Variants in PARM1 observed in about 807,000 individuals in gnomAD.
PARM1 encodes the protein prostate androgen-regulated mucin-like protein 1, also known as WSC4, cell wall integrity and stress response component 4 homolog.
In PARM1, 14 loss-of-function variants were observed where a neutral mutation model predicts 24.6. The observed-to-expected ratio is 0.57, with a 90% CI of 0.38 to 0.89. The LOEUF (loss-of-function observed/expected upper bound fraction) is 0.89. PARM1 is among the 40% of genes least tolerant of loss of function. PARM1 has a pLI of 0.00. For missense variants in PARM1, 362 were observed against 380.4 expected, an observed-to-expected ratio of 0.95 and a Z score of 0.40; for synonymous variants, 179 against 156.6, an observed-to-expected ratio of 1.14 and a Z score of -1.07.
chr4:74,991,643 A>G (rs1384622153), intron 1 of PARM1, among the ~76,000 whole-genome samples: 1 of 152,182 alleles, frequency 6.6e-6, no homozygotes, highest in Non-Finnish European at 1.5e-5. Context: ...ACAGTAATTC[A>G]AGACTGGAAA....
intron 2 of PARM1, among the ~76,000 whole-genome samples, chr4:75,022,821 C>T (rs888704617): frequency 1.3e-4 from 20 of 152,124 alleles, no homozygotes; most frequent in African/African-American, 4.8e-4. Flanking sequence ...TGGATCAACA[C>T]CCTCCCATCA....
At chr4:75,032,901 C>T (rs934873139) in intron 2 of PARM1, among the ~76,000 whole-genome samples, 1 of 152,106 alleles carries the variant, frequency 6.6e-6, no homozygotes, top group African/African-American at 2.4e-5. Flanking sequence ...GCTTTAGTGC[C>T]GAAAACTCAC....
chr4:75,013,771 T>G (rs1722926981), intron 2 of PARM1, among the ~76,000 whole-genome samples: 5 of 152,224 alleles, frequency 3.3e-5, no homozygotes, highest in African/African-American at 2.4e-5. Context: ...GACAATAAAT[T>G]TTACAAGATG....
intron 3 of PARM1, among the ~76,000 whole-genome samples, chr4:75,035,772 G>C (rs999173995): frequency 6.6e-6 from 1 of 152,080 alleles, no homozygotes; most frequent in African/African-American, 2.4e-5. Context: ...GTTTTGAAGA[G>C]AAATTGGAAT....
chr4:75,029,395 T>C (rs1374789415), intron 2 of PARM1, among the ~76,000 whole-genome samples: 1 of 152,042 alleles, frequency 6.6e-6, no homozygotes, highest in African/African-American at 2.4e-5. Context: ...TCCCCATGTG[T>C]CATGGGAGGG....
rs551476189 is a variant in PARM1, at chr4:74,933,358, A to C, written c.31A>C (p.Ile11Leu). ...CTACAAGACTCTCTTCGCTCTTTGC[A>C]TCTTAACTGCAGGTAATTGGCGCCA... MVYKTLFALC[I>L]LTAGWRVQSL... The change falls in exon 1 of 4, where the codon ATC becomes CTC. Residue 11 changes from isoleucine to leucine, a missense_variant. Ile to Leu is a conservative substitution (Grantham distance 5). Coordinates refer to ENST00000307428, the MANE Select transcript of PARM1 (RefSeq NM_015393.4). 10 of 1,612,754 alleles carry C rather than the reference A, an allele frequency of 6.2e-6. No individual in the cohort carries two copies. The highest frequency in any genetic ancestry group is 1.1e-5 in the South Asian group (1 of 90,884).
Position 75,012,698 on chromosome 4 carries a change from CT to C in PARM1, c.319del (p.Ser107LeufsTer12). 1.2e-6 allele frequency: 2 copies of C among 1,613,988 alleles called. No individual in the cohort carries two copies. The highest frequency in any genetic ancestry group is 1.7e-6 in the Non-Finnish European group (2 of 1,179,880). ...GAAGGCACAAACACAGACCCCTCAC[CT>C]TCTGGGTTCTCGTCAACAAGCGGTG... ...NWEGTNTDPS[P>X]SGFSSTSGGV... is the part of the protein sequence containing the mutation. On this transcript the variant is annotated frameshift_variant, in exon 2 of 4. Coordinates refer to ENST00000307428, the MANE Select transcript of PARM1 (RefSeq NM_015393.4). LOFTEE classifies it high-confidence loss of function.
intron 2 of PARM1, among the ~76,000 whole-genome samples, chr4:75,030,375 G>T (rs1723252085): frequency 6.6e-6 from 1 of 152,176 alleles, no homozygotes; most frequent in Non-Finnish European, 1.5e-5. Context: ...TAAATAAGAT[G>T]ATAGCTGTAC....
chr4:74,939,587 C>G (rs189819444), intron 1 of PARM1, among the ~76,000 whole-genome samples: 1 of 152,030 alleles, frequency 6.6e-6, no homozygotes, highest in African/African-American at 2.4e-5. Flanking sequence ...GTGCCGGGAT[C>G]TTGAGAAATC....
At chr4:75,032,877 A>T (rs529471566) in intron 2 of PARM1, among the ~76,000 whole-genome samples, 1 of 152,326 alleles carries the variant, frequency 6.6e-6, no homozygotes, top group Admixed American at 6.5e-5. Flanking sequence ...GAGTAAATGG[A>T]GTCCCTAACA....
rs189048170 is a variant in PARM1, at chr4:74,958,784, C to T, written c.43+25414C>T. On this transcript the variant is annotated intron_variant, in intron 1 of 3. Transcript: ENST00000307428. ...AAATGGGCCTAATAACAGTTCCTAT[C>T]TCTGAGAGTTATGAGGATTAAGTCA... Among the ~76,000 whole-genome samples, 133 of 152,318 alleles carry T rather than the reference C, an allele frequency of 8.7e-4. 1 individual carries two copies. In the Middle Eastern group the frequency reaches 0.027, roughly 31 times the overall value.
At chr4:74,971,610 A>G (rs1048645981) in intron 1 of PARM1, among the ~76,000 whole-genome samples, 5 of 152,210 alleles carry the variant, frequency 3.3e-5, no homozygotes, top group African/African-American at 9.6e-5. Context: ...TTGATGAAAT[A>G]CAGTCATGTT....
chr4:75,013,790 G>GTAAAA (rs1213527382), intron 2 of PARM1, among the ~76,000 whole-genome samples: 1 of 152,142 alleles, frequency 6.6e-6, no homozygotes, highest in Non-Finnish European at 1.5e-5. Flanking sequence ...TGTCACATCT[G>GTAAAA]TTTTTATTTT....
chr4:75,031,011 A>C (rs1186687194), intron 2 of PARM1, among the ~76,000 whole-genome samples: 1 of 152,220 alleles, frequency 6.6e-6, no homozygotes, highest in Non-Finnish European at 1.5e-5. Flanking sequence ...AGTTGCGCTA[A>C]CATGGGCTCA....
At chr4:75,024,671 G>A (rs555859948) in intron 2 of PARM1, among the ~76,000 whole-genome samples, 1 of 152,058 alleles carries the variant, frequency 6.6e-6, no homozygotes, top group Admixed American at 6.6e-5. Context: ...AACTTTTCTC[G>A]TTTATTTTTC....
At chr4:74,984,607 G>C (rs1722315370) in intron 1 of PARM1, among the ~76,000 whole-genome samples, 1 of 152,158 alleles carries the variant, frequency 6.6e-6, no homozygotes, top group Non-Finnish European at 1.5e-5. Context: ...TGGAGTACCA[G>C]GAGGGTTTCC....
intron 3 of PARM1, among the ~76,000 whole-genome samples, chr4:75,044,951 C>A (rs1723570932): frequency 6.6e-6 from 1 of 152,150 alleles, no homozygotes; most frequent in South Asian, 2.1e-4. Context: ...CAGGAAAGAC[C>A]CGCCCCCATA....
chr4:74,946,859 A>C (rs1378216058), intron 1 of PARM1, among the ~76,000 whole-genome samples: 1 of 152,272 alleles, frequency 6.6e-6, no homozygotes, highest in Non-Finnish European at 1.5e-5. Flanking sequence ...GCTAATAAGC[A>C]ACACATTATT....
chr4:75,004,932 G>A (rs1399477791), intron 1 of PARM1, among the ~76,000 whole-genome samples: 5 of 152,194 alleles, frequency 3.3e-5, no homozygotes, highest in South Asian at 2.1e-4. Context: ...CAGCTGTACC[G>A]TGTGCTAGCA....
Sources: allele counts gnomAD v4.1 joint callset (sites outside exome capture counted in the v4.1 genomes callset), GRCh38; gene constraint gnomAD v4.1.1; transcripts MANE v1.5; gene names NCBI Gene and HGNC (gene_info 2026-07-23, HGNC 2026-07-21).